Variants in ST6GALNAC3 observed in about 807,000 individuals in gnomAD.
ST6GALNAC3 encodes the protein ST6 N-acetylgalactosaminide alpha-2,6-sialyltransferase 3.
A neutral mutation model predicts 32.7 loss-of-function variants in ST6GALNAC3; 25 were observed. That is an observed-to-expected ratio of 0.76 (90% CI 0.56 to 1.07). The LOEUF is 1.07. Ranked by LOEUF, ST6GALNAC3 falls within the 50% of genes least tolerant of loss-of-function variation. ST6GALNAC3 has a pLI of 0.00. For synonymous variants in ST6GALNAC3, 129 were observed against 133.1 expected (o/e 0.97, Z 0.21); for missense variants, 355 against 382.4 (o/e 0.93, Z 0.60).
At chr1:76,134,147 G>T (rs1014622854) in intron 1 of ST6GALNAC3, among the ~76,000 whole-genome samples, 1 of 152,354 alleles carries the variant, frequency 6.6e-6, no homozygotes, top group East Asian at 1.9e-4. Context: ...GAATGTCCCA[G>T]GCCCAGGGCA....
rs1467993306 is a variant in ST6GALNAC3 at position 76,202,260 on chromosome 1, G to GTGCA, written c.19-111538_19-111535dup. Among the ~76,000 whole-genome samples the GTGCA allele has an allele frequency of 6.2e-5, 9 of 144,812 alleles. No homozygotes were observed. The East Asian group carries it at 1.9e-3, about 31-fold the overall frequency. On this transcript the variant is annotated intron_variant, in intron 1 of 4. Coordinates refer to ENST00000328299, the MANE Select transcript of ST6GALNAC3 (RefSeq NM_152996.4). ...AAAGAGGTGTGGGTGGAGAGTGTGT[G>GTGCA]TGCATGCATGTGTGTGTGTGTGTGT... is the stretch of plus-strand genomic sequence containing the variant.
At chr1:76,549,796 C>T (rs1204790604) in intron 3 of ST6GALNAC3, among the ~76,000 whole-genome samples, 3 of 152,164 alleles carry the variant, frequency 2.0e-5, no homozygotes, top group African/African-American at 7.2e-5. Context: ...GTTGTGCCAA[C>T]TGATGCTTCC....
At chr1:76,436,980 T>C (rs1656189513) in intron 3 of ST6GALNAC3, among the ~76,000 whole-genome samples, 1 of 152,112 alleles carries the variant, frequency 6.6e-6, no homozygotes. Flanking sequence ...TTCTGGAAAG[T>C]GGACTGTTAC....
chr1:76,219,967 G>C (rs1655675711), intron 1 of ST6GALNAC3, among the ~76,000 whole-genome samples: 1 of 152,170 alleles, frequency 6.6e-6, no homozygotes, highest in Non-Finnish European at 1.5e-5. Context: ...TTGTTATAGA[G>C]AGGGTACACA....
intron 1 of ST6GALNAC3, among the ~76,000 whole-genome samples, chr1:76,285,099 A>C (rs1479153072): frequency 7.2e-5 from 11 of 152,160 alleles, no homozygotes; most frequent in Non-Finnish European, 5.9e-5. Flanking sequence ...TGTTTAATGG[A>C]CTAGAAATGA....
chr1:76,363,820 G>T (rs1308174872), intron 2 of ST6GALNAC3, among the ~76,000 whole-genome samples: 3 of 152,116 alleles, frequency 2.0e-5, no homozygotes, highest in Non-Finnish European at 4.4e-5. Context: ...GCAGGAAGAA[G>T]AGAGAGAGGA....
chr1:76,592,526 T>A (rs1362071145), intron 3 of ST6GALNAC3, among the ~76,000 whole-genome samples: 1 of 151,974 alleles, frequency 6.6e-6, no homozygotes. Flanking sequence ...CCACTGGGCG[T>A]CTTATACAGA....
intron 1 of ST6GALNAC3, among the ~76,000 whole-genome samples, chr1:76,303,410 T>C (rs932459305): frequency 3.9e-5 from 6 of 152,030 alleles, no homozygotes; most frequent in African/African-American, 1.4e-4. Flanking sequence ...AATTTAGTCC[T>C]AGGAAGTCAG....
At chr1:76,568,607 C>T (rs1457237731) in intron 3 of ST6GALNAC3, among the ~76,000 whole-genome samples, 4 of 152,198 alleles carry the variant, frequency 2.6e-5, no homozygotes, top group South Asian at 2.1e-4. Flanking sequence ...CCATTCTCCA[C>T]GTACATGGGC....
chr1:76,087,518 G>A (rs747683971), intron 1 of ST6GALNAC3, among the ~76,000 whole-genome samples: 1 of 152,192 alleles, frequency 6.6e-6, no homozygotes, highest in African/African-American at 2.4e-5. Context: ...AATTTAGGGT[G>A]TGTATGAATA....
chr1:76,302,025 T>A (rs1461096642), intron 1 of ST6GALNAC3, among the ~76,000 whole-genome samples: 1 of 152,004 alleles, frequency 6.6e-6, no homozygotes, highest in Non-Finnish European at 1.5e-5. Flanking sequence ...CAGGCACCAT[T>A]TCTGATTCTT....
At chr1:76,246,525 T>A (rs888326238) in intron 1 of ST6GALNAC3, among the ~76,000 whole-genome samples, 1 of 152,210 alleles carries the variant, frequency 6.6e-6, no homozygotes, top group South Asian at 2.1e-4. Context: ...TATATTTTGA[T>A]GTATTTTTGC....
chr1:76,413,055 A>G, intron 3 of ST6GALNAC3: 4 of 307,344 alleles, frequency 1.3e-5, no homozygotes, highest in South Asian at 8.4e-5. Context: ...ATTTTTTATT[A>G]CATCCATGTT....
intron 2 of ST6GALNAC3, among the ~76,000 whole-genome samples, chr1:76,388,358 C>T (rs758476727): frequency 3.3e-5 from 5 of 152,174 alleles, no homozygotes; most frequent in Non-Finnish European, 7.3e-5. Flanking sequence ...ATTCATATCT[C>T]TTTGTGCTGT....
chr1:76,182,788 T>C (rs1442250846), intron 1 of ST6GALNAC3, among the ~76,000 whole-genome samples: 2 of 152,146 alleles, frequency 1.3e-5, no homozygotes, highest in Non-Finnish European at 2.9e-5. Context: ...TTGAAGAGCA[T>C]AAAGTCGTAA....
chr1:76,441,817 G>A (rs1056396871), intron 3 of ST6GALNAC3, among the ~76,000 whole-genome samples: 38 of 152,118 alleles, frequency 2.5e-4, no homozygotes, highest in Middle Eastern at 3.4e-3. Flanking sequence ...TGCACTGAGA[G>A]CACCCAAAAA....
chr1:76,133,590 G>A (rs1030111329), intron 1 of ST6GALNAC3, among the ~76,000 whole-genome samples: 1 of 152,190 alleles, frequency 6.6e-6, no homozygotes, highest in African/African-American at 2.4e-5. Context: ...CTGCCAGCTG[G>A]TTACCCGCTG....
At chr1:76,601,809 A>C (rs982971527) in intron 3 of ST6GALNAC3, among the ~76,000 whole-genome samples, 6 of 152,224 alleles carry the variant, frequency 3.9e-5, no homozygotes, top group Admixed American at 6.5e-5. Flanking sequence ...GGAGATAAAG[A>C]GACTAGCACA....
At chr1:76,452,195 A>G (rs758404095) in intron 3 of ST6GALNAC3, among the ~76,000 whole-genome samples, 1 of 152,128 alleles carries the variant, frequency 6.6e-6, no homozygotes, top group Non-Finnish European at 1.5e-5. Context: ...GATAGTGAAT[A>G]AGTCTCACAA....
Sources: gnomAD v4.1 joint callset for allele counts (sites outside exome capture counted in the v4.1 genomes callset) on GRCh38, gnomAD v4.1.1 for gene constraint, MANE v1.5 for transcripts, NCBI Gene and HGNC (gene_info 2026-07-23, HGNC 2026-07-21) for gene names.